Variants in RNF217 observed in about 807,000 individuals in gnomAD.
RNF217 encodes E3 ubiquitin-protein ligase RNF217.
RNF217 carries 31 observed loss-of-function variants against 57.8 expected under a neutral mutation model. The observed-to-expected ratio is 0.54, with a 90% CI of 0.40 to 0.72. The LOEUF is 0.72. Ranked by LOEUF, RNF217 falls within the 30% of genes least tolerant of loss-of-function variation. The probability of loss-of-function intolerance (pLI) is 0.00; values close to 1 mark genes in which losing one functional copy is unlikely to be tolerated. For missense variants in RNF217, 696 were observed against 708.3 expected (o/e 0.98, Z 0.20); for synonymous variants, 313 against 294.0 (o/e 1.06, Z -0.66).
At chr6:125,012,724 G>A (rs932007020) in intron 1 of RNF217, among the ~76,000 whole-genome samples, 1 of 152,128 alleles carries the variant, frequency 6.6e-6, no homozygotes, top group African/African-American at 2.4e-5. Flanking sequence ...CTTTTGTAAT[G>A]TGCAAGTGTC....
intron 1 of RNF217, among the ~76,000 whole-genome samples, chr6:125,027,411 G>T (rs1213464353): frequency 6.6e-6 from 1 of 152,134 alleles, no homozygotes; most frequent in African/African-American, 2.4e-5. Context: ...TGCAATGTTT[G>T]TCTTTCTTTG....
In RNF217 at chr6:125,074,854, T is replaced by C. The variant is rs563388525; in HGVS notation, c.1282-1803T>C. Among the ~76,000 whole-genome samples the C allele has an allele frequency of 9.8e-5, 15 of 152,288 alleles. 1 individual carries two copies. In the East Asian group the frequency reaches 2.9e-3, roughly 29 times the overall value. ...CAAGAGTCAAACAACTACTGAAGGA[T>C]TTGACACACTTGTTAATTGTAAAAC... On this transcript the variant is annotated intron_variant, in intron 3 of 5. Transcript: ENST00000521654.
At chr6:124,967,970 G>C (rs1198352085) in intron 1 of RNF217, among the ~76,000 whole-genome samples, 1 of 152,002 alleles carries the variant, frequency 6.6e-6, no homozygotes, top group Non-Finnish European at 1.5e-5. Context: ...AGTAGAGACG[G>C]GGTTTCACCA....
Position 125,083,255 on chromosome 6 carries a change from A to G in RNF217, c.*318A>G, listed in dbSNP as rs1788643170. ...ACCAGTTATCCTAAGAATTCTGAGC[A>G]CGCCTCTTCTGAGAATTGCTTGGAC... On this transcript the variant is annotated 3_prime_UTR_variant, in exon 6 of 6. Coordinates refer to ENST00000521654, the MANE Select transcript of RNF217 (RefSeq NM_001286398.3). 5.1e-6 allele frequency: 1 copy of G among 195,528 alleles called. No homozygotes were observed. The highest frequency in any genetic ancestry group is 1.0e-5 in the Non-Finnish European group (1 of 97,440). 12.1% of individuals were successfully genotyped at this position (195,528 alleles called of 1,614,324 possible). A position where few individuals can be genotyped will look rare whatever the true frequency, so the allele number is the denominator to read the frequency against.
chr6:125,018,391 G>C (rs1785692886), intron 1 of RNF217, among the ~76,000 whole-genome samples: 1 of 152,174 alleles, frequency 6.6e-6, no homozygotes, highest in African/African-American at 2.4e-5. Context: ...TTTTGCAACA[G>C]AATGATCTCA....
intron 3 of RNF217, among the ~76,000 whole-genome samples, chr6:125,060,380 C>G (rs369328892): frequency 7.0e-6 from 1 of 143,376 alleles, no homozygotes; most frequent in South Asian, 2.2e-4. Flanking sequence ...CACACACACA[C>G]ATATATATTT....
intron 1 of RNF217, among the ~76,000 whole-genome samples, chr6:124,973,533 T>G (rs1783840068): frequency 6.6e-6 from 1 of 152,228 alleles, no homozygotes; most frequent in Admixed American, 6.5e-5. Context: ...TAAATATTTG[T>G]TAAAGCCTGA....
intron 1 of RNF217, among the ~76,000 whole-genome samples, chr6:124,997,667 G>T (rs1340058757): frequency 2.0e-5 from 3 of 152,136 alleles, no homozygotes; most frequent in African/African-American, 7.2e-5. Flanking sequence ...GAAACAGCCT[G>T]TGGCGATGAG....
At chr6:125,064,262 T>G (rs926893241) in intron 3 of RNF217, among the ~76,000 whole-genome samples, 1 of 152,192 alleles carries the variant, frequency 6.6e-6, no homozygotes, top group African/African-American at 2.4e-5. Flanking sequence ...CTCTCCAGAT[T>G]GCTTAAAATC....
At chr6:124,968,859 G>T (rs886550686) in intron 1 of RNF217, among the ~76,000 whole-genome samples, 1 of 152,088 alleles carries the variant, frequency 6.6e-6, no homozygotes, top group Non-Finnish European at 1.5e-5. Flanking sequence ...ATACCTGAGC[G>T]GTAATTTCTT....
intron 1 of RNF217, among the ~76,000 whole-genome samples, chr6:124,983,785 T>C (rs4896638): frequency 0.24 from 37,154 of 152,096 alleles, 4,867 homozygotes; most frequent in East Asian, 0.4. Context: ...AGATACTTAA[T>C]GGGTTAGTGT....
chr6:124,962,480 C>T lies in RNF217; in HGVS notation c.-65C>T. 4 of 792,212 alleles carry T rather than the reference C, an allele frequency of 5.0e-6. No individual in the cohort carries two copies. Among genetic ancestry groups the T allele is most frequent in the Non-Finnish European group, 6.4e-6 (4 of 621,542 alleles). The allele number at this position is 792,212 out of a possible 1,614,324, so 49.1% of individuals were successfully genotyped here. A position where few individuals can be genotyped will look rare whatever the true frequency, so the allele number is the denominator to read the frequency against. ...CGAGCCGAGCCACTGCCCCCGCTGC[C>T]CGCGGGCGCCGGGTGGGGGTCCCGG... is the stretch of plus-strand genomic sequence containing the variant. On this transcript the variant is annotated 5_prime_UTR_variant, in exon 1 of 6. Coordinates refer to ENST00000521654, the MANE Select transcript of RNF217 (RefSeq NM_001286398.3). The surrounding 1 kb of genome is among the most constrained non-coding windows in gnomAD (Gnocchi z 4.6).
intron 1 of RNF217, among the ~76,000 whole-genome samples, chr6:125,026,853 T>G (rs948446910): frequency 2.0e-5 from 3 of 152,126 alleles, no homozygotes; most frequent in African/African-American, 7.2e-5. Flanking sequence ...TAAAATGAAC[T>G]GTGATATACT....
At chr6:125,063,826 A>G (rs1224826808) in intron 3 of RNF217, among the ~76,000 whole-genome samples, 1 of 152,182 alleles carries the variant, frequency 6.6e-6, no homozygotes, top group Non-Finnish European at 1.5e-5. Context: ...AAGCAGAAAA[A>G]AAGTGAATTG....
At chr6:125,024,456 G>A (rs954199937) in intron 1 of RNF217, among the ~76,000 whole-genome samples, 3 of 151,924 alleles carry the variant, frequency 2.0e-5, no homozygotes, top group Admixed American at 6.6e-5. Flanking sequence ...GGTGGTGCAC[G>A]CCTGTAATCC....
rs59219100 is a variant in RNF217, at chr6:124,976,384, T to G, written c.882+12958T>G. ...CCTGGGTTCAAGCAATTCTCCTGCC[T>G]CAGCCTCCTGAGTAGCTGGGATCAC... On this transcript the variant is annotated intron_variant, in intron 1 of 5. Coordinates refer to ENST00000521654, the MANE Select transcript of RNF217 (RefSeq NM_001286398.3). Among the ~76,000 whole-genome samples, 1,109 of 151,964 alleles carry G rather than the reference T, an allele frequency of 7.3e-3. 13 individuals are homozygous for G. The highest frequency in any genetic ancestry group is 0.024 in the African/African-American group (1,010 of 41,402).
intron 1 of RNF217, among the ~76,000 whole-genome samples, chr6:124,983,105 TCTTAA>T (rs1582667785): frequency 6.6e-6 from 1 of 152,340 alleles, no homozygotes; most frequent in South Asian, 2.1e-4. Context: ...AAATAGAGGT[TCTTAA>T]CTTGAGAGTC....
At chr6:125,051,317 G>GAATC (rs1239484652) in intron 2 of RNF217, among the ~76,000 whole-genome samples, 2 of 151,768 alleles carry the variant, frequency 1.3e-5, no homozygotes, top group Admixed American at 1.3e-4. Context: ...AACAAGTGAA[G>GAATC]AATCGTCTCT....
rs1324529628 is a variant in RNF217 at position 125,082,978 on chromosome 6, A to T, written c.*41A>T. On this transcript the variant is annotated 3_prime_UTR_variant, in exon 6 of 6. Coordinates refer to ENST00000521654, the MANE Select transcript of RNF217 (RefSeq NM_001286398.3). Reference sequence around the variant, plus strand: ...ATCCAGCTAAGCTGGTTGGAGTAGGAGCGATACCAAAGGGTACACCCATCT... The same window carrying T: ...ATCCAGCTAAGCTGGTTGGAGTAGGTGCGATACCAAAGGGTACACCCATCT... The T allele has an allele frequency of 7.1e-7, 1 of 1,417,394 alleles. No homozygotes were observed. The highest frequency in any genetic ancestry group is 9.7e-7 in the Non-Finnish European group (1 of 1,031,162). 87.8% of individuals were successfully genotyped at this position (1,417,394 alleles called of 1,614,324 possible). A position where few individuals can be genotyped will look rare whatever the true frequency, so the allele number is the denominator to read the frequency against.
Sources: allele counts gnomAD v4.1 joint callset (sites outside exome capture counted in the v4.1 genomes callset), GRCh38; gene constraint gnomAD v4.1.1; non-coding constraint Gnocchi (gnomAD v3.1); transcripts MANE v1.5; gene names NCBI Gene and HGNC (gene_info 2026-07-23, HGNC 2026-07-21).